Variants in GRID2 observed in about 807,000 individuals in gnomAD.
GRID2 encodes glutamate ionotropic receptor delta type subunit 2.
In GRID2, 33 loss-of-function variants were observed where a neutral mutation model predicts 114.8. The ratio of observed to expected loss-of-function variants is 0.29; its 90% confidence interval spans 0.22 to 0.38. The LOEUF (loss-of-function observed/expected upper bound fraction) is 0.38, where lower values mean the gene tolerates loss of function less well. Among genes scored for constraint, GRID2 ranks in the 10% least tolerant of loss-of-function variants. The pLI is 1.00. For synonymous variants in GRID2, 505 were observed against 449.9 expected, an observed-to-expected ratio of 1.12 and a Z score of -1.55; for missense variants, 1,184 against 1,257.7, an observed-to-expected ratio of 0.94 and a Z score of 0.89.
At chr4:92,547,254 A>C (rs1726310762) in intron 1 of GRID2, among the ~76,000 whole-genome samples, 1 of 152,218 alleles carries the variant, frequency 6.6e-6, no homozygotes, top group Non-Finnish European at 1.5e-5. Flanking sequence ...ACACATGTAT[A>C]ACATTTATTC....
intron 2 of GRID2, among the ~76,000 whole-genome samples, chr4:92,755,544 G>A (rs1578147978): frequency 6.6e-6 from 1 of 152,218 alleles, no homozygotes; most frequent in Non-Finnish European, 1.5e-5. Flanking sequence ...AGTGAGTTAA[G>A]CGAGGGAGCC....
chr4:92,653,508 C>T (rs1286070834), intron 2 of GRID2, among the ~76,000 whole-genome samples: 2 of 151,730 alleles, frequency 1.3e-5, no homozygotes, highest in South Asian at 2.1e-4. Flanking sequence ...CTGGTTTTCC[C>T]CTATTATCTT....
intron 2 of GRID2, among the ~76,000 whole-genome samples, chr4:92,989,295 AAAAAAAAT>A (rs1560774150): frequency 6.9e-6 from 1 of 144,274 alleles, no homozygotes; most frequent in African/African-American, 2.6e-5. Context: ...AAAAAAAAAA[AAAAAAAAT>A]AATAATAATA....
chr4:93,463,566 G>A (rs1000903064), intron 11 of GRID2, among the ~76,000 whole-genome samples: 1 of 152,146 alleles, frequency 6.6e-6, no homozygotes, highest in Non-Finnish European at 1.5e-5. Context: ...AACTACCTGT[G>A]AATATGTTCC....
At chr4:92,358,757 G>C (rs886529168) in intron 1 of GRID2, among the ~76,000 whole-genome samples, 2 of 151,652 alleles carry the variant, frequency 1.3e-5, no homozygotes. Context: ...ATGGGAAAAG[G>C]CTTTTCTATT....
chr4:93,235,398 C>A (rs17020279), intron 7 of GRID2, among the ~76,000 whole-genome samples: 14,335 of 151,982 alleles, frequency 0.094, 801 homozygotes, highest in East Asian at 0.25. Flanking sequence ...TAAAAAATAC[C>A]ACCATGCATG....
At chr4:92,546,925 C>T (rs1726291663) in intron 1 of GRID2, among the ~76,000 whole-genome samples, 1 of 152,146 alleles carries the variant, frequency 6.6e-6, no homozygotes, top group African/African-American at 2.4e-5. Flanking sequence ...TCTAGGCTCC[C>T]TACATCCCTC....
intron 2 of GRID2, among the ~76,000 whole-genome samples, chr4:92,942,717 C>G (rs1751258199): frequency 6.6e-6 from 1 of 152,118 alleles, no homozygotes; most frequent in Non-Finnish European, 1.5e-5. Flanking sequence ...CCGGTTGTTC[C>G]TTTCCACGTT....
intron 8 of GRID2, among the ~76,000 whole-genome samples, chr4:93,290,122 T>C (rs1306260054): frequency 6.6e-6 from 1 of 152,196 alleles, no homozygotes; most frequent in Non-Finnish European, 1.5e-5. Flanking sequence ...AGGTTTAAAA[T>C]CTGGCAAAAC....
intron 1 of GRID2, among the ~76,000 whole-genome samples, chr4:92,399,636 GCTCTCTCTCT>G (rs749067156): frequency 2.1e-5 from 3 of 141,818 alleles, no homozygotes; most frequent in African/African-American, 7.8e-5. Flanking sequence ...AATAAAAGCA[GCTCTCTCTCT>G]CTCTCTCTCT....
chr4:93,237,665 A>G (rs79573516), intron 7 of GRID2, among the ~76,000 whole-genome samples: 4,468 of 151,978 alleles, frequency 0.029, 87 homozygotes, highest in Middle Eastern at 0.068. Context: ...CTAAACTGAG[A>G]AAAGAATGAT....
Position 93,772,529 on chromosome 4 carries a change from T to A in GRID2, c.*31T>A. Reference sequence around the variant, plus strand: ...AAACAAATCTCTTCACTGTTTCTTTTTTAGGACTCCCTTTGCAAGGAGCAA... The same window carrying A: ...AAACAAATCTCTTCACTGTTTCTTTATTAGGACTCCCTTTGCAAGGAGCAA... On this transcript the variant is annotated 3_prime_UTR_variant, in exon 16 of 16. Coordinates refer to ENST00000282020, the MANE Select transcript of GRID2 (RefSeq NM_001510.4). 6.8e-7 allele frequency: 1 copy of A among 1,471,498 alleles called. No individual in the cohort carries two copies. Among genetic ancestry groups the A allele is most frequent in the Non-Finnish European group, 9.2e-7 (1 of 1,086,396 alleles). The allele number at this position is 1,471,498 out of a possible 1,614,324, so 91.2% of individuals were successfully genotyped here. A position where few individuals can be genotyped will look rare whatever the true frequency, so the allele number is the denominator to read the frequency against.
intron 2 of GRID2, among the ~76,000 whole-genome samples, chr4:92,785,911 T>C (rs1385218886): frequency 6.6e-6 from 1 of 151,866 alleles, no homozygotes; most frequent in African/African-American, 2.4e-5. Context: ...TTTCTTGTTT[T>C]GAAAATGACA....
chr4:93,184,156 A>C (rs988418527), intron 4 of GRID2, among the ~76,000 whole-genome samples: 1 of 152,190 alleles, frequency 6.6e-6, no homozygotes, highest in Non-Finnish European at 1.5e-5. Flanking sequence ...AAAAACTGTT[A>C]AACAGAAATG....
chr4:93,757,314 A>G (rs1732835797), intron 14 of GRID2, among the ~76,000 whole-genome samples: 1 of 152,216 alleles, frequency 6.6e-6, no homozygotes, highest in South Asian at 2.1e-4. Context: ...GGTTCTCCCC[A>G]TATTCATGCT....
chr4:92,319,564 C>T (rs1218965441), intron 1 of GRID2, among the ~76,000 whole-genome samples: 1 of 152,198 alleles, frequency 6.6e-6, no homozygotes, highest in Non-Finnish European at 1.5e-5. Context: ...AGGTTCTCAA[C>T]GCTGCCAGAA....
chr4:93,659,997 A>G (rs12640039), intron 14 of GRID2, among the ~76,000 whole-genome samples: 31,786 of 151,912 alleles, frequency 0.21, 3,590 homozygotes, highest in Middle Eastern at 0.36. Flanking sequence ...AATAGTGTCA[A>G]AAATAAAGCA....
chr4:92,402,921 C>T (rs1252830478), intron 1 of GRID2, among the ~76,000 whole-genome samples: 1 of 152,202 alleles, frequency 6.6e-6, no homozygotes, highest in East Asian at 1.9e-4. Context: ...CATGGAAAAT[C>T]TCTTGTTTAG....
intron 1 of GRID2, among the ~76,000 whole-genome samples, chr4:92,564,018 A>G (rs900182863): frequency 3.9e-5 from 6 of 151,992 alleles, no homozygotes; most frequent in African/African-American, 9.7e-5. Flanking sequence ...ACATTCTTTC[A>G]TCTATCCATG....
Sources: gnomAD v4.1 joint callset for allele counts (sites outside exome capture counted in the v4.1 genomes callset) on GRCh38, gnomAD v4.1.1 for gene constraint, MANE v1.5 for transcripts, NCBI Gene and HGNC (gene_info 2026-07-23, HGNC 2026-07-21) for gene names.